The following ZNF594 variants were observed in gnomAD, a reference collection of about 807,000 sequenced individuals.
The protein encoded by ZNF594 is zinc finger protein 594.
For missense variants in ZNF594, 1,037 were observed against 964.6 expected, an observed-to-expected ratio of 1.08 and a Z score of -0.99; for synonymous variants, 336 against 309.4, an observed-to-expected ratio of 1.09 and a Z score of -0.90.
Position 5,181,375 on chromosome 17 carries a change from CCCTACCA to C in ZNF594, c.*451_*457del. ...ATGAGGTCTGAGCTGCCCTGGAAAGCCCTACCACACTGATTACACCAATAAGCTTTCT... is the reference window on the plus strand; with the variant it reads ...ATGAGGTCTGAGCTGCCCTGGAAAGCCACTGATTACACCAATAAGCTTTCT... On this transcript the variant is annotated 3_prime_UTR_variant, in exon 2 of 2. Coordinates refer to ENST00000575779, the MANE Select transcript of ZNF594 (RefSeq NM_032530.2). The C allele has an allele frequency of 1.2e-6, 2 of 1,612,408 alleles. No homozygotes were observed. Among genetic ancestry groups the C allele is most frequent in the Non-Finnish European group, 8.5e-7 (1 of 1,178,800 alleles).
In ZNF594 at chr17:5,181,572, C is replaced by G; in HGVS notation, c.*261G>C. On this transcript the variant is annotated 3_prime_UTR_variant, in exon 2 of 2. Coordinates refer to ENST00000575779, the MANE Select transcript of ZNF594 (RefSeq NM_032530.2). ...CTTACATTCATAGGGTTTCTCACCA[C>G]TATGAATTCTCCGACGTTGAATAAG... 11 of 1,613,822 alleles carry G rather than the reference C, an allele frequency of 6.8e-6. No homozygotes were observed. The highest frequency in any genetic ancestry group is 8.5e-6 in the Non-Finnish European group (10 of 1,179,786).
rs1242103142 is a variant in ZNF594, at chr17:5,181,262, T to A, written c.*571A>T. The A allele has an allele frequency of 2.5e-6, 4 of 1,612,598 alleles. No individual in the cohort carries two copies. The Admixed American group carries it at 5.0e-5, about 20-fold the overall frequency. ...TTTCTCCACTGTGAATTCTATGATGTCTCAGAAGGTCTGAGCTCTGATTGA... is the reference window on the plus strand; with the variant it reads ...TTTCTCCACTGTGAATTCTATGATGACTCAGAAGGTCTGAGCTCTGATTGA... On this transcript the variant is annotated 3_prime_UTR_variant, in exon 2 of 2. Transcript: ENST00000575779.
Position 5,181,126 on chromosome 17 carries a change from T to G in ZNF594, c.*707A>C. On this transcript the variant is annotated 3_prime_UTR_variant, in exon 2 of 2. Coordinates refer to ENST00000575779, the MANE Select transcript of ZNF594 (RefSeq NM_032530.2). ...AGGTGTGAGTTCTGACTGAAGGCCT[T>G]CCAACATTCAGGGCATTCATAGGGT... 1 of 1,586,876 alleles carries G rather than the reference T, an allele frequency of 6.3e-7. No individual in the cohort carries two copies. The highest frequency in any genetic ancestry group is 8.6e-7 in the Non-Finnish European group (1 of 1,159,206).
chr17:5,185,392 G>A lies in ZNF594; in HGVS notation c.-20-1116C>T, dbSNP rs138325428. Among the ~76,000 whole-genome samples the A allele has an allele frequency of 7.3e-3, 1,117 of 152,282 alleles. 19 individuals carry two copies. Among genetic ancestry groups the A allele is most frequent in the African/African-American group, 0.025 (1,033 of 41,544 alleles). ...TCTCATGAGACTTATTCACTACCAT[G>A]AGAATAGTAGGGGGGAAACTGCCCC... On this transcript the variant is annotated intron_variant, in intron 1 of 1. Coordinates refer to ENST00000575779, the MANE Select transcript of ZNF594 (RefSeq NM_032530.2).
Position 5,182,186 on chromosome 17 carries a change from G to T in ZNF594, c.2071C>A (p.Arg691=). 6.2e-7 allele frequency: 1 copy of T among 1,613,426 alleles called. No homozygotes were observed. Among genetic ancestry groups the T allele is most frequent in the Non-Finnish European group, 8.5e-7 (1 of 1,179,956 alleles). The change falls in exon 2 of 2, where the codon CGG becomes AGG. Residue 691 remains arginine (R), a synonymous_variant. Coordinates refer to ENST00000575779, the MANE Select transcript of ZNF594 (RefSeq NM_032530.2). ...CGATGTTGAATAAGGAGGGAACGCC[G>T]CCTGAAGGCATTCCCACATTCACTG... ...QCSECGNAFR[R]RSLLIQHRRL... is the part of the protein sequence containing the mutation.
intron 1 of ZNF594, among the ~76,000 whole-genome samples, chr17:5,185,266 C>T (rs2074378769): frequency 6.6e-6 from 1 of 152,136 alleles, no homozygotes; most frequent in African/African-American, 2.4e-5. Flanking sequence ...GCTGGGAAGG[C>T]CTCAGAATCA....
At chr17:5,184,599 C>T (rs894347070) in intron 1 of ZNF594, among the ~76,000 whole-genome samples, 3 of 152,162 alleles carry the variant, frequency 2.0e-5, no homozygotes, top group African/African-American at 7.2e-5. Context: ...GAGGAACTTG[C>T]TGGATGGTGT....
rs766475954 is a variant in ZNF594, at chr17:5,183,861, A to T, written c.396T>A (p.Cys132Ter). 1.2e-5 allele frequency: 19 copies of T among 1,613,172 alleles called. No individual in the cohort carries two copies. In the Middle Eastern group the frequency reaches 6.6e-4, roughly 56 times the overall value. ...NINKTYECKE[C>*]EKTFNRSSNL... is the part of the protein sequence containing the mutation. ...TTGAACTCCTGTTGAAGGTTTTTTCACATTCCTTACATTCATAGGTCTTAT... is the reference window on the plus strand; with the variant it reads ...TTGAACTCCTGTTGAAGGTTTTTTCTCATTCCTTACATTCATAGGTCTTAT... Residue 132 changes from cysteine (C) to a stop codon, truncating the protein, a stop_gained, in exon 2 of 2, where the codon TGT (cysteine) becomes TGA (stop). Transcript: ENST00000575779. LOFTEE classifies it low-confidence loss of function (END_TRUNC).
In ZNF594 at chr17:5,183,492, A is replaced by G. The variant is rs866345354; in HGVS notation, c.765T>C (p.Ile255=). ...GKAFSQSTDL[I]IHHRIHTGEK... ...CTCCAGTGTGAATTCTGTGATGTATAATAAGATCTGTGCTTTGACTGAAAG... is the reference window on the plus strand; with the variant it reads ...CTCCAGTGTGAATTCTGTGATGTATGATAAGATCTGTGCTTTGACTGAAAG... The change falls in exon 2 of 2, where the codon ATT becomes ATC. Residue 255 remains isoleucine (I), a synonymous_variant. Coordinates refer to ENST00000575779, the MANE Select transcript of ZNF594 (RefSeq NM_032530.2). 1 of 1,614,054 alleles carries G rather than the reference A, an allele frequency of 6.2e-7. No homozygotes were observed. The highest frequency in any genetic ancestry group is 8.5e-7 in the Non-Finnish European group (1 of 1,180,036).
At chr17:5,189,184 G>T (rs1412460666) in intron 1 of ZNF594, among the ~76,000 whole-genome samples, 2 of 151,712 alleles carry the variant, frequency 1.3e-5, no homozygotes, top group African/African-American at 4.8e-5. Flanking sequence ...GGCTTCAAGT[G>T]ATCCTCCCAC....
chr17:5,182,794 T>C lies in ZNF594; in HGVS notation c.1463A>G (p.Tyr488Cys). Reference sequence around the variant, plus strand: ...GGCTTTCCCACATTCAGTGCACTGATAGGGCTTCTCTCCAGTATGGATTTT... The same window carrying C: ...GGCTTTCCCACATTCAGTGCACTGACAGGGCTTCTCTCCAGTATGGATTTT... ...HQKIHTGEKP[Y>C]QCTECGKAFR... The change falls in exon 2 of 2, where the codon TAT becomes TGT. Residue 488 changes from tyrosine to cysteine, a missense_variant. Tyr to Cys is a radical substitution (Grantham distance 194). Coordinates refer to ENST00000575779, the MANE Select transcript of ZNF594 (RefSeq NM_032530.2). 3 of 1,614,146 alleles carry C rather than the reference T, an allele frequency of 1.9e-6. No homozygotes were observed. Among genetic ancestry groups the C allele is most frequent in the African/African-American group, 1.3e-5 (1 of 75,034 alleles).
downstream of ZNF594, among the ~76,000 whole-genome samples, chr17:5,175,899 G>T (rs1016477121): frequency 1.1e-4 from 17 of 152,164 alleles, no homozygotes; most frequent in Non-Finnish European, 2.5e-4. Context: ...GAACACTCAG[G>T]CTTGTAAGAA....
rs569646081 is a variant in ZNF594, at chr17:5,183,709, T to A, written c.548A>T (p.Tyr183Phe). Residue 183 changes from tyrosine to phenylalanine, a missense_variant, in exon 2 of 2, where the codon TAT becomes TTT. Physicochemically the swap from Tyr to Phe is conservative, Grantham distance 22. Coordinates refer to ENST00000575779, the MANE Select transcript of ZNF594 (RefSeq NM_032530.2). ...HQRIHTGKKP[Y>F]ICHECGKDFN... Reference sequence around the variant, plus strand: ...GTCTTTTCCACATTCATGACATATATAAGGTTTCTTTCCTGTATGAATTCT... The same window carrying A: ...GTCTTTTCCACATTCATGACATATAAAAGGTTTCTTTCCTGTATGAATTCT... 8 of 1,613,802 alleles carry A rather than the reference T, an allele frequency of 5.0e-6. No individual in the cohort carries two copies. The Admixed American group carries it at 1.3e-4, about 27-fold the overall frequency.
At chr17:5,185,101 G>A (rs1161356738) in intron 1 of ZNF594, among the ~76,000 whole-genome samples, 1 of 152,164 alleles carries the variant, frequency 6.6e-6, no homozygotes, top group East Asian at 1.9e-4. Context: ...GATTTCTTCT[G>A]AAATTACAAG....
At position 5,182,742 on chromosome 17, in the gene ZNF594, T is replaced by C. The variant is rs1296131809; in HGVS notation, c.1515A>G (p.Gln505=). The change falls in exon 2 of 2, where the codon CAA becomes CAG. Residue 505 remains glutamine, a synonymous_variant. Coordinates refer to ENST00000575779, the MANE Select transcript of ZNF594 (RefSeq NM_032530.2). ...TCTCACCACTATGAATTCTCCGATG[T>C]TGAATAAGGAGTGAACGCCGCCTGA... ...KAFRRRSLLI[Q]HRRIHSGEKP... 2.5e-6 allele frequency: 4 copies of C among 1,613,952 alleles called. No individual in the cohort carries two copies. Among genetic ancestry groups the C allele is most frequent in the African/African-American group, 1.3e-5 (1 of 74,882 alleles).
At chr17:5,189,598 A>C (rs1449071517) in intron 1 of ZNF594, among the ~76,000 whole-genome samples, 1 of 152,140 alleles carries the variant, frequency 6.6e-6, no homozygotes, top group African/African-American at 2.4e-5. Flanking sequence ...GCAGTGGTGC[A>C]ATCATAGCTC....
At position 5,183,761 on chromosome 17, in the gene ZNF594, G is replaced by C. The variant is rs781589373; in HGVS notation, c.496C>G (p.Gln166Glu). ...TGATGTATAATAAGATTTGAACTTT[G>C]ATTAGAGTCTTTCCCACATTCATTA... The part of the protein sequence containing the change: ...VCNECGKDSN[Q>E]SSNLIIHQRI... Residue 166 changes from glutamine (Q) to glutamate (E), a missense_variant, in exon 2 of 2, where the codon CAA becomes GAA. Gln to Glu is a conservative substitution (Grantham distance 29). Transcript: ENST00000575779. 5.6e-6 allele frequency: 9 copies of C among 1,613,120 alleles called. No homozygotes were observed. The highest frequency in any genetic ancestry group is 5.9e-6 in the Non-Finnish European group (7 of 1,179,206).
chr17:5,181,974 ATAAACT>A lies in ZNF594; in HGVS notation c.2277_2282del (p.Lys759_Tyr761delinsAsn). On this transcript the variant is annotated inframe_deletion, in exon 2 of 2. Transcript: ENST00000575779. ...AGGTCCTACTACACTGATTACACCA[ATAAACT>A]TTCTTTTCCTGGTGAGTTCTCTGCT... The A allele has an allele frequency of 6.2e-7, 1 of 1,613,666 alleles. No individual in the cohort carries two copies. Among genetic ancestry groups the A allele is most frequent in the Non-Finnish European group, 8.5e-7 (1 of 1,179,996 alleles).
At chr17:5,188,840 C>T (rs534112345) in intron 1 of ZNF594, among the ~76,000 whole-genome samples, 50 of 151,586 alleles carry the variant, frequency 3.3e-4, no homozygotes, top group Admixed American at 1.4e-3. Context: ...CTCCGCCTCC[C>T]GGGTTCACGC....
Sources: allele counts gnomAD v4.1 joint callset (sites outside exome capture counted in the v4.1 genomes callset), GRCh38; gene constraint gnomAD v4.1.1; transcripts MANE v1.5; gene names NCBI Gene and HGNC (gene_info 2026-07-23, HGNC 2026-07-21).